Variants in DCTN4 observed in about 807,000 individuals in gnomAD.
DCTN4 encodes dynactin 4 (p62).
In DCTN4, 23 loss-of-function variants were observed where a neutral mutation model predicts 62.7. The ratio of observed to expected loss-of-function variants is 0.37; its 90% CI spans 0.26 to 0.52. The LOEUF is 0.52. Among genes scored for constraint, DCTN4 ranks in the 20% least tolerant of loss-of-function variants. The pLI, the probability that DCTN4 is intolerant of heterozygous loss-of-function variation, is 0.92. For missense variants in DCTN4, 514 were observed against 580.4 expected, an observed-to-expected ratio of 0.89 and a Z score of 1.18; for synonymous variants, 199 against 202.1, an observed-to-expected ratio of 0.98 and a Z score of 0.13.
intron 2 of DCTN4, 80 bp downstream of exon 2, chr5:150,756,337 C>G: frequency 9.8e-7 from 1 of 1,017,506 alleles, no homozygotes; most frequent in Non-Finnish European, 1.4e-6. Flanking sequence ...CCATGCCTGG[C>G]CCATGTGTCT....
chr5:150,755,147 A>C (rs1270851601), intron 2 of DCTN4, among the ~76,000 whole-genome samples: 1 of 152,236 alleles, frequency 6.6e-6, no homozygotes, highest in Non-Finnish European at 1.5e-5. Context: ...AAATAATTTG[A>C]GCAAAATAAA....
chr5:150,712,760 C>T (rs1381087655), intron 12 of DCTN4, among the ~76,000 whole-genome samples: 1 of 152,230 alleles, frequency 6.6e-6, no homozygotes, highest in African/African-American at 2.4e-5. Context: ...ACAGTTTGTG[C>T]TTTAATAACT....
chr5:150,726,386 C>T (rs1581574831), intron 8 of DCTN4, among the ~76,000 whole-genome samples: 1 of 152,108 alleles, frequency 6.6e-6, no homozygotes, highest in African/African-American at 2.4e-5. Flanking sequence ...AACAGGGGAG[C>T]TCACTTAAGA....
In DCTN4 at chr5:150,758,951, G is replaced by A. The variant is rs753555936; in HGVS notation, c.43C>T (p.Gln15Ter). The A allele has an allele frequency of 1.2e-6, 2 of 1,614,002 alleles. No homozygotes were observed. The highest frequency in any genetic ancestry group is 1.1e-5 in the South Asian group (1 of 91,070). Residue 15 changes from glutamine (Q) to a stop codon, truncating the protein, a stop_gained, in exon 1 of 13, where the codon CAG (glutamine) becomes TAG (stop). Transcript: ENST00000447998. LOFTEE classifies it high-confidence loss of function. ...LQSDRVLYLV[Q>*]GEKKVRAPLS... ...GGGGCCCGAACCTTCTTTTCTCCCT[G>A]GACTAGATAGAGAACCCGGTCCGAC... is the stretch of plus-strand genomic sequence containing the variant.
intron 8 of DCTN4, among the ~76,000 whole-genome samples, chr5:150,730,248 TTA>T (rs1760310535): frequency 6.6e-6 from 1 of 152,272 alleles, no homozygotes; most frequent in African/African-American, 2.4e-5. Flanking sequence ...GTTCTGTAGA[TTA>T]CCAGAGCCTG....
At chr5:150,731,242 A>G (rs1760353876) in intron 6 of DCTN4, 86 bp from the exon 7 acceptor site, 12 of 1,017,490 alleles carry the variant, frequency 1.2e-5, no homozygotes, top group Non-Finnish European at 1.7e-5. Context: ...TATGATATCA[A>G]TAATTGAAGT....
intron 2 of DCTN4, among the ~76,000 whole-genome samples, chr5:150,754,921 C>G (rs1752799799): frequency 1.3e-5 from 2 of 151,774 alleles, no homozygotes; most frequent in African/African-American, 4.8e-5. Context: ...CAAGATTGCA[C>G]CACTGCACTT....
chr5:150,758,742 G>T, intron 1 of DCTN4, 117 bp downstream of exon 1: 1 of 1,443,112 alleles, frequency 6.9e-7, no homozygotes, highest in Non-Finnish European at 9.4e-7. Context: ...CCCGAGTGAC[G>T]GAAGACATAA....
chr5:150,722,828 C>G, intron 9 of DCTN4, 79 bp downstream of exon 9: 1 of 1,015,348 alleles, frequency 9.8e-7, no homozygotes, highest in Non-Finnish European at 1.4e-6. Context: ...CAAGAGTAAA[C>G]ACACTTCATA....
At chr5:150,747,638 T>C (rs949018375) in intron 3 of DCTN4, among the ~76,000 whole-genome samples, 2 of 151,842 alleles carry the variant, frequency 1.3e-5, no homozygotes, top group South Asian at 2.1e-4. Context: ...TAATGCCGCA[T>C]ATCTACAACT....
intron 4 of DCTN4, among the ~76,000 whole-genome samples, chr5:150,737,415 C>A (rs1164646203): frequency 1.3e-5 from 2 of 152,140 alleles, no homozygotes; most frequent in Non-Finnish European, 2.9e-5. Context: ...ATATGAAGTA[C>A]TCGCTCAGAC....
intron 12 of DCTN4, among the ~76,000 whole-genome samples, chr5:150,714,525 C>T (rs180708550): frequency 4.3e-4 from 66 of 151,936 alleles, no homozygotes; most frequent in African/African-American, 1.6e-3. Flanking sequence ...TACAAGCATG[C>T]GCTGCTACAC....
chr5:150,740,415 G>A (rs967963972), intron 4 of DCTN4, among the ~76,000 whole-genome samples: 1 of 152,018 alleles, frequency 6.6e-6, no homozygotes, highest in African/African-American at 2.4e-5. Flanking sequence ...ATGCTGGCAT[G>A]GATCTGGTGA....
At chr5:150,752,306 G>A (rs943233484) in intron 3 of DCTN4, among the ~76,000 whole-genome samples, 1 of 152,126 alleles carries the variant, frequency 6.6e-6, no homozygotes, top group African/African-American at 2.4e-5. Flanking sequence ...ATAAAATTAA[G>A]TGTAATCTGT....
chr5:150,714,175 G>A lies in DCTN4; in HGVS notation c.1169+1390C>T, dbSNP rs541765647. Among the ~76,000 whole-genome samples the A allele has an allele frequency of 7.6e-4, 116 of 152,166 alleles. 1 individual carries two copies. The highest frequency in any genetic ancestry group is 2.6e-3 in the African/African-American group (108 of 41,500). ...CAGTTTACTAAGCTATTATTTTTCAGCTCCAAGCGCACCTCTCTCAATTTT... is the reference window on the plus strand; with the variant it reads ...CAGTTTACTAAGCTATTATTTTTCAACTCCAAGCGCACCTCTCTCAATTTT... On this transcript the variant is annotated intron_variant, in intron 12 of 12. Transcript: ENST00000447998.
chr5:150,732,459 G>A (rs1303029691), intron 5 of DCTN4, among the ~76,000 whole-genome samples: 3 of 152,116 alleles, frequency 2.0e-5, no homozygotes, highest in African/African-American at 7.2e-5. Context: ...CTTAATCTAG[G>A]TATTTTTATA....
At chr5:150,727,770 C>T (rs1457132004) in intron 8 of DCTN4, among the ~76,000 whole-genome samples, 2 of 98,340 alleles carry the variant, frequency 2.0e-5, no homozygotes, top group East Asian at 2.9e-4. Context: ...AGCGAGACTC[C>T]GTCTCAAAAA....
Position 150,721,840 on chromosome 5 carries a change from T to G in DCTN4, c.908+1067A>C, listed in dbSNP as rs10476942. 2.5e-3 allele frequency among the ~76,000 whole-genome samples: 374 copies of G among 152,300 alleles called. 2 individuals are homozygous for G. Among genetic ancestry groups the G allele is most frequent in the African/African-American group, 8.5e-3 (354 of 41,554 alleles). ...TTGTCTTAAAAAAATTTTTTTTTCC[T>G]TAGAGAGAGAGTCCTGCTCCACTGT... is the stretch of plus-strand genomic sequence containing the variant. On this transcript the variant is annotated intron_variant, in intron 9 of 12. Coordinates refer to ENST00000447998, the MANE Select transcript of DCTN4 (RefSeq NM_016221.4).
intron 10 of DCTN4, 74 bp downstream of exon 10, chr5:150,719,642 C>T: frequency 9.2e-7 from 1 of 1,083,576 alleles, no homozygotes; most frequent in African/African-American, 1.6e-5. Context: ...AATACACACA[C>T]AGCCACCCAC....
Sources: gnomAD v4.1 joint callset for allele counts (sites outside exome capture counted in the v4.1 genomes callset) on GRCh38, gnomAD v4.1.1 for gene constraint, MANE v1.5 for transcripts, NCBI Gene and HGNC (gene_info 2026-07-23, HGNC 2026-07-21) for gene names.